Variants in HAVCR2 observed in about 807,000 individuals in gnomAD.
HAVCR2 encodes T cell immunoglobulin mucin 3.
In HAVCR2, 13 loss-of-function variants were observed where a neutral mutation model predicts 24.7. The observed-to-expected ratio is 0.53, with a 90% CI of 0.34 to 0.84. The LOEUF (loss-of-function observed/expected upper bound fraction) is 0.84, where lower values mean the gene tolerates loss of function less well. Among genes scored for constraint, HAVCR2 ranks in the 40% least tolerant of loss-of-function variants. HAVCR2 has a pLI of 0.01. For missense variants in HAVCR2, 343 were observed against 371.2 expected (o/e 0.92, Z 0.62); for synonymous variants, 154 against 143.4 (o/e 1.07, Z -0.53).
chr5:157,099,461 A>G (rs1316793779), intron 3 of HAVCR2, among the ~76,000 whole-genome samples: 1 of 152,006 alleles, frequency 6.6e-6, no homozygotes, highest in Admixed American at 6.6e-5. Context: ...CATGTTGACC[A>G]GGCTGGTTGT....
chr5:157,104,837 C>A, intron 2 of HAVCR2, 88 bp from the exon 3 acceptor site: 3 of 915,702 alleles, frequency 3.3e-6, no homozygotes, highest in Non-Finnish European at 3.4e-6. Flanking sequence ...GAAAAAAATG[C>A]GAAAGACAAT....
intron 5 of HAVCR2, among the ~76,000 whole-genome samples, chr5:157,089,465 G>A (rs1424147788): frequency 6.6e-6 from 1 of 151,732 alleles, no homozygotes. Flanking sequence ...GAACCCGGGA[G>A]ACGGAGGTTG....
intron 4 of HAVCR2, among the ~76,000 whole-genome samples, chr5:157,098,036 C>T (rs187397814): frequency 0.014 from 2,057 of 152,090 alleles, 19 homozygotes; most frequent in Non-Finnish European, 0.021. Flanking sequence ...CTTTGGGAGG[C>T]CAAGTTGGGC....
At chr5:157,088,050 T>C (rs1756940697) in intron 6 of HAVCR2, among the ~76,000 whole-genome samples, 1 of 152,198 alleles carries the variant, frequency 6.6e-6, no homozygotes, top group South Asian at 2.1e-4. Context: ...CTTCATCTCC[T>C]GTGCTCCAGC....
rs1756919073 is a variant in HAVCR2 at position 157,086,770 on chromosome 5, T to C, written c.*332A>G. ...CAGTTTTCCCTAGTTTATCTGAAGT[T>C]TCATGGACATATGATGTGCCCGAAT... is the stretch of plus-strand genomic sequence containing the variant. On this transcript the variant is annotated 3_prime_UTR_variant, in exon 7 of 7. Transcript: ENST00000307851. 4.4e-6 allele frequency: 1 copy of C among 225,264 alleles called. No individual in the cohort carries two copies. The highest frequency in any genetic ancestry group is 1.5e-3 in the Middle Eastern group (1 of 682). The allele number at this position is 225,264 out of a possible 1,614,324, so 14.0% of individuals were successfully genotyped here. A position where few individuals can be genotyped will look rare whatever the true frequency, so the allele number is the denominator to read the frequency against.
chr5:157,107,498 T>A (rs1343304132), intron 1 of HAVCR2, among the ~76,000 whole-genome samples: 2 of 152,094 alleles, frequency 1.3e-5, no homozygotes, highest in African/African-American at 4.8e-5. Context: ...TAAATAAGGA[T>A]CTTGTGTATT....
At chr5:157,099,943 G>A (rs533779693) in intron 3 of HAVCR2, among the ~76,000 whole-genome samples, 5 of 152,182 alleles carry the variant, frequency 3.3e-5, no homozygotes, top group African/African-American at 9.6e-5. Flanking sequence ...TGATCCACCC[G>A]CCTCGGCCTC....
chr5:157,103,398 A>G (rs1285853615), intron 3 of HAVCR2, among the ~76,000 whole-genome samples: 5 of 152,018 alleles, frequency 3.3e-5, no homozygotes, highest in Non-Finnish European at 7.4e-5. Context: ...AAAGTACTGA[A>G]GCACAGGATG....
At chr5:157,103,347 G>A (rs975342215) in intron 3 of HAVCR2, among the ~76,000 whole-genome samples, 7 of 148,530 alleles carry the variant, frequency 4.7e-5, no homozygotes, top group African/African-American at 1.7e-4. Flanking sequence ...CTCTAGTCTG[G>A]GTGACAGAGC....
At chr5:157,088,848 C>T in intron 6 of HAVCR2, 93 bp downstream of exon 6, 1 of 1,102,022 alleles carries the variant, frequency 9.1e-7, no homozygotes, top group South Asian at 1.3e-5. Context: ...CTCAAAGCCC[C>T]AGGACAGGAT....
At chr5:157,089,985 A>G (rs1756972744) in intron 5 of HAVCR2, among the ~76,000 whole-genome samples, 1 of 152,140 alleles carries the variant, frequency 6.6e-6, no homozygotes, top group South Asian at 2.1e-4. Flanking sequence ...CAACTACGTT[A>G]TCTCATCATT....
Position 157,086,206 on chromosome 5 carries a change from T to G in HAVCR2, c.*896A>C, listed in dbSNP as rs966697619. ...GGGAGCTCCTGCCACATCTCAGCCC[T>G]GCAGGGCAGTCTTCATAAGGGAGAC... On this transcript the variant is annotated 3_prime_UTR_variant, in exon 7 of 7. Transcript: ENST00000307851. 4 of 152,238 alleles carry G rather than the reference T, an allele frequency of 2.6e-5. No homozygotes were observed. The highest frequency in any genetic ancestry group is 4.8e-5 in the African/African-American group (2 of 41,466). 9.4% of individuals were successfully genotyped at this position (152,238 alleles called of 1,614,324 possible).
intron 1 of HAVCR2, 112 bp downstream of exon 1, chr5:157,108,814 G>A (rs1581765076): frequency 1.1e-5 from 10 of 886,038 alleles, no homozygotes; most frequent in Middle Eastern, 4.5e-4. Flanking sequence ...CATTTAGGTT[G>A]CTTCCAAGCT....
chr5:157,106,767 T>A lies in HAVCR2; in HGVS notation c.254A>T (p.Asn85Ile), dbSNP rs376605513. The A allele has an allele frequency of 5.0e-6, 8 of 1,614,192 alleles. No homozygotes were observed. The African/African-American group carries it at 9.3e-5, about 19-fold the overall frequency. The change falls in exon 2 of 7, where the codon AAT (asparagine) becomes ATT (isoleucine). Residue 85 changes from asparagine (N) to isoleucine (I), a missense_variant. Asn to Ile is a moderately radical substitution (Grantham distance 149, BLOSUM62 -3). Transcript: ENST00000307851. The stretch of plus-strand genomic sequence containing the variant: ...CACATCTCCTTTGCGGAAATCCCCA[T>A]TTAGCCAGTATCTGGATGTCCAATA... ...VNYWTSRYWL[N>I]GDFRKGDVSL...
At chr5:157,088,643 T>G (rs1756950228) in intron 6 of HAVCR2, among the ~76,000 whole-genome samples, 1 of 152,172 alleles carries the variant, frequency 6.6e-6, no homozygotes, top group South Asian at 2.1e-4. Context: ...AGGAGCTCAA[T>G]CCGTTGATGT....
At chr5:157,100,782 T>C (rs1757155791) in intron 3 of HAVCR2, among the ~76,000 whole-genome samples, 1 of 152,048 alleles carries the variant, frequency 6.6e-6, no homozygotes, top group African/African-American at 2.4e-5. Context: ...TTGCCCTAAT[T>C]ACCAGAAAAA....
chr5:157,106,812 G>C lies in HAVCR2; in HGVS notation c.209C>G (p.Thr70Ser). ...CCAATAATTCACATCCCTTTCATCA[G>C]TCCTGAGCACCACGTTGCCACATTC... ...VFECGNVVLR[T>S]DERDVNYWTS... Residue 70 changes from threonine (T) to serine (S), a missense_variant, in exon 2 of 7, where the codon ACT becomes AGT. Coordinates refer to ENST00000307851, the MANE Select transcript of HAVCR2 (RefSeq NM_032782.5). 1 of 1,614,158 alleles carries C rather than the reference G, an allele frequency of 6.2e-7. No homozygotes were observed. Among genetic ancestry groups the C allele is most frequent in the Non-Finnish European group, 8.5e-7 (1 of 1,180,010 alleles).
chr5:157,087,407 TG>T, intron 6 of HAVCR2, 113 bp from the exon 7 acceptor site: 1 of 796,432 alleles, frequency 1.3e-6, no homozygotes, highest in Non-Finnish European at 1.9e-6. Flanking sequence ...GCATGATCTT[TG>T]ATCAGATGCT....
intron 3 of HAVCR2, among the ~76,000 whole-genome samples, chr5:157,099,691 C>A (rs1332394800): frequency 1.3e-5 from 2 of 151,314 alleles, no homozygotes; most frequent in Non-Finnish European, 3.0e-5. Context: ...CCTCCATGTT[C>A]TTTTTCTTTT....
Sources: gnomAD v4.1 joint callset for allele counts (sites outside exome capture counted in the v4.1 genomes callset) on GRCh38, gnomAD v4.1.1 for gene constraint, MANE v1.5 for transcripts, NCBI Gene and HGNC (gene_info 2026-07-23, HGNC 2026-07-21) for gene names.